The following TBC1D22A variants were observed in gnomAD, a reference collection of about 807,000 sequenced individuals.
TBC1D22A encodes the protein putative GTPase activator.
A neutral mutation model predicts 60.2 loss-of-function variants in TBC1D22A; 38 were observed. The ratio of observed to expected loss-of-function variants is 0.63; its 90% CI spans 0.49 to 0.83. The LOEUF (loss-of-function observed/expected upper bound fraction) is 0.83, where lower values mean the gene tolerates loss of function less well. Among genes scored for constraint, TBC1D22A ranks in the 40% least tolerant of loss-of-function variants. The probability of loss-of-function intolerance (pLI) is 0.00; values close to 1 mark genes in which losing one functional copy is unlikely to be tolerated. For synonymous variants in TBC1D22A, 302 were observed against 281.7 expected, an observed-to-expected ratio of 1.07 and a Z score of -0.72; for missense variants, 628 against 701.0, an observed-to-expected ratio of 0.90 and a Z score of 1.18.
At position 47,102,645 on chromosome 22, in the gene TBC1D22A, T is replaced by C. The variant is rs951856583; in HGVS notation, c.1330-8863T>C. The stretch of plus-strand genomic sequence containing the variant: ...TAAGTGATGCCGTAAAGCTCTGTTT[T>C]CCCCCAGTGCTGTGTTTCTGGGAAA... On this transcript the variant is annotated intron_variant, in intron 11 of 12. Coordinates refer to ENST00000337137, the MANE Select transcript of TBC1D22A (RefSeq NM_014346.5). Among the ~76,000 whole-genome samples, 4 of 152,210 alleles carry C rather than the reference T, an allele frequency of 2.6e-5. 1 individual carries two copies. The highest frequency in any genetic ancestry group is 1.9e-4 in the East Asian group (1 of 5,198).
chr22:46,850,340 G>A (rs528941321), intron 4 of TBC1D22A, among the ~76,000 whole-genome samples: 93 of 152,276 alleles, frequency 6.1e-4, no homozygotes, highest in South Asian at 1.0e-3. Context: ...GTGTGTGTGC[G>A]TGTGCGCATG....
At chr22:47,082,417 A>G (rs1013364171) in intron 11 of TBC1D22A, among the ~76,000 whole-genome samples, 2 of 152,126 alleles carry the variant, frequency 1.3e-5, no homozygotes. Flanking sequence ...AGATAATAGA[A>G]TAATAGAATC....
intron 10 of TBC1D22A, among the ~76,000 whole-genome samples, chr22:47,031,016 C>G (rs981350512): frequency 1.3e-5 from 2 of 152,230 alleles, no homozygotes; most frequent in African/African-American, 2.4e-5. Flanking sequence ...AAGGACACTC[C>G]CCGGTGCCTT....
intron 12 of TBC1D22A, 76 bp from the exon 13 acceptor site, chr22:47,173,422 C>T (rs548644943): frequency 1.9e-6 from 3 of 1,558,226 alleles, no homozygotes; most frequent in East Asian, 2.3e-5. Context: ...TGTATCTTTC[C>T]CTCCAGTTTT....
rs112327055 is a variant in TBC1D22A at position 46,953,497 on chromosome 22, T to G, written c.1016-20793T>G. Among the ~76,000 whole-genome samples the G allele has an allele frequency of 8.6e-3, 1,307 of 151,592 alleles. 11 individuals carry two copies. The highest frequency in any genetic ancestry group is 0.03 in the African/African-American group (1,245 of 41,188). ...TTTTATAATTTCCTGTTTTTTTTCATTTATTTTTGTAGGTCTGTATCTACT... is the reference window on the plus strand; with the variant it reads ...TTTTATAATTTCCTGTTTTTTTTCAGTTATTTTTGTAGGTCTGTATCTACT... On this transcript the variant is annotated intron_variant, in intron 8 of 12. Transcript: ENST00000337137.
intron 12 of TBC1D22A, among the ~76,000 whole-genome samples, chr22:47,122,604 G>A (rs1202062925): frequency 6.6e-6 from 1 of 152,208 alleles, no homozygotes; most frequent in Non-Finnish European, 1.5e-5. Flanking sequence ...CGCCCTAAAT[G>A]CTACTAGCCT....
At chr22:46,810,484 G>C (rs1016444298) in intron 4 of TBC1D22A, among the ~76,000 whole-genome samples, 2 of 151,944 alleles carry the variant, frequency 1.3e-5, no homozygotes, top group Non-Finnish European at 2.9e-5. Flanking sequence ...ATGAGAACAG[G>C]TAAGATTTAG....
chr22:47,144,115 C>T (rs1160673478), intron 12 of TBC1D22A, among the ~76,000 whole-genome samples: 1 of 152,168 alleles, frequency 6.6e-6, no homozygotes, highest in Non-Finnish European at 1.5e-5. Context: ...ACAAACCATT[C>T]CCAAACACCA....
chr22:47,024,315 A>T (rs1042579099), intron 10 of TBC1D22A, among the ~76,000 whole-genome samples: 2 of 152,218 alleles, frequency 1.3e-5, no homozygotes, highest in Non-Finnish European at 2.9e-5. Context: ...CAAAGAACAG[A>T]TGGGACAGTT....
intron 8 of TBC1D22A, chr22:46,913,264 A>G: frequency 8.4e-7 from 1 of 1,188,938 alleles, no homozygotes; most frequent in Non-Finnish European, 1.1e-6. Flanking sequence ...TTTAATTTAA[A>G]CCTGGTTTTG....
At chr22:47,054,195 A>G (rs1311521005) in intron 11 of TBC1D22A, among the ~76,000 whole-genome samples, 2 of 152,204 alleles carry the variant, frequency 1.3e-5, no homozygotes, top group Admixed American at 1.3e-4. Context: ...CCCACAATGC[A>G]GTGAAAGAGG....
intron 10 of TBC1D22A, among the ~76,000 whole-genome samples, chr22:47,019,458 G>A (rs1315248802): frequency 6.6e-6 from 1 of 152,244 alleles, no homozygotes; most frequent in Admixed American, 6.5e-5. Context: ...CAGCGAGCGT[G>A]AAGGACTGAG....
rs550977643 is a variant in TBC1D22A, at chr22:47,037,306, C to T, written c.1329+108C>T. 54 of 1,469,152 alleles carry T rather than the reference C, an allele frequency of 3.7e-5. No homozygotes were observed. The Middle Eastern group carries it at 1.6e-3, about 43-fold the overall frequency. The allele number at this position is 1,469,152 out of a possible 1,614,324, so 91.0% of individuals were successfully genotyped here. A position where few individuals can be genotyped will look rare whatever the true frequency, so the allele number is the denominator to read the frequency against. On this transcript the variant is annotated intron_variant, in intron 11 of 12. Transcript: ENST00000337137. The stretch of plus-strand genomic sequence containing the variant: ...GCTGCATTCGATTTTTTCTTCCAAG[C>T]GCTCTCTCCATTGAAATGCGGTCTT...
intron 10 of TBC1D22A, among the ~76,000 whole-genome samples, chr22:47,011,206 C>T (rs2061742401): frequency 6.6e-6 from 1 of 152,186 alleles, no homozygotes; most frequent in Non-Finnish European, 1.5e-5. Flanking sequence ...TTCCTCCCTA[C>T]CTACTTGGGC....
intron 12 of TBC1D22A, among the ~76,000 whole-genome samples, chr22:47,147,196 C>T (rs552124240): frequency 2.6e-5 from 4 of 152,328 alleles, no homozygotes; most frequent in South Asian, 4.1e-4. Context: ...GGGAGGGCTC[C>T]GCCACCTGCA....
intron 11 of TBC1D22A, among the ~76,000 whole-genome samples, chr22:47,069,600 A>C (rs1258512495): frequency 6.6e-6 from 1 of 151,920 alleles, no homozygotes; most frequent in Non-Finnish European, 1.5e-5. Context: ...TGACGGTTCC[A>C]GGCTGTTCCC....
chr22:47,037,365 C>G (rs1157508197), intron 11 of TBC1D22A, among the ~76,000 whole-genome samples, 167 bp downstream of exon 11: 1 of 152,142 alleles, frequency 6.6e-6, no homozygotes, highest in Non-Finnish European at 1.5e-5. Flanking sequence ...CGCGGTGGCT[C>G]ATGCCTGTAA....
intron 11 of TBC1D22A, among the ~76,000 whole-genome samples, chr22:47,099,893 G>C (rs1046079893): frequency 6.6e-6 from 1 of 152,156 alleles, no homozygotes; most frequent in Admixed American, 6.5e-5. Flanking sequence ...GAGGTGCAAC[G>C]TGCTGACCTT....
intron 12 of TBC1D22A, among the ~76,000 whole-genome samples, chr22:47,131,679 G>C (rs1161123497): frequency 6.6e-6 from 1 of 152,240 alleles, no homozygotes; most frequent in Admixed American, 6.5e-5. Context: ...GTGGGGGTCA[G>C]AGCCTGGCGT....
Sources: gnomAD v4.1 joint callset for allele counts (sites outside exome capture counted in the v4.1 genomes callset) on GRCh38, gnomAD v4.1.1 for gene constraint, MANE v1.5 for transcripts, NCBI Gene and HGNC (gene_info 2026-07-23, HGNC 2026-07-21) for gene names.